The following DOCK1 variants were observed in gnomAD, a reference collection of about 807,000 sequenced individuals.
DOCK1 encodes the protein dedicator of cytokinesis protein 1.
DOCK1 carries 138 observed loss-of-function variants against 262.7 expected under a neutral mutation model. The ratio of observed to expected loss-of-function variants is 0.53; its 90% CI spans 0.46 to 0.61. The LOEUF is 0.61. DOCK1 is among the 20% of genes least tolerant of loss of function. The pLI is 0.00. For synonymous variants in DOCK1, 866 were observed against 867.4 expected, an observed-to-expected ratio of 1.00 and a Z score of 0.03; for missense variants, 1,908 against 2,370.7, an observed-to-expected ratio of 0.80 and a Z score of 4.05.
intron 29 of DOCK1, among the ~76,000 whole-genome samples, chr10:127,285,789 G>A (rs913949635): frequency 6.6e-6 from 1 of 152,208 alleles, no homozygotes; most frequent in Non-Finnish European, 1.5e-5. Context: ...TGCTTCCACA[G>A]TCTAACCCTC....
At chr10:127,150,015 G>T (rs1004842259) in intron 27 of DOCK1, among the ~76,000 whole-genome samples, 2 of 152,184 alleles carry the variant, frequency 1.3e-5, no homozygotes, top group Non-Finnish European at 2.9e-5. Context: ...TGTTTCTACA[G>T]ATTCATATGC....
At chr10:126,940,708 G>T (rs1025046921) in intron 1 of DOCK1, among the ~76,000 whole-genome samples, 11 of 152,142 alleles carry the variant, frequency 7.2e-5, no homozygotes, top group Non-Finnish European at 1.5e-4. Context: ...CTGGCCCAAA[G>T]TACCTATTTT....
intron 19 of DOCK1, among the ~76,000 whole-genome samples, chr10:127,038,090 G>A (rs542793426): frequency 1.3e-5 from 2 of 152,038 alleles, no homozygotes; most frequent in South Asian, 2.1e-4. Context: ...AAAATTAGCC[G>A]GGTGTGGTGG....
intron 1 of DOCK1, among the ~76,000 whole-genome samples, chr10:126,948,494 G>A (rs1010838265): frequency 6.6e-6 from 1 of 151,700 alleles, no homozygotes; most frequent in African/African-American, 2.4e-5. Flanking sequence ...GGTGATGAAG[G>A]TGGTAATACT....
In DOCK1 at chr10:126,987,281, G is replaced by A. The variant is rs745840022; in HGVS notation, c.228-240G>A. On this transcript the variant is annotated intron_variant, in intron 4 of 51. Transcript: ENST00000623213. Reference sequence around the variant, plus strand: ...TTTGCCTCTTTCATCTTACTTTGACGTATGAGGTGGATGGCTTACGTGCAG... The same window carrying A: ...TTTGCCTCTTTCATCTTACTTTGACATATGAGGTGGATGGCTTACGTGCAG... 1.1e-4 allele frequency among the ~76,000 whole-genome samples: 16 copies of A among 152,222 alleles called. No homozygotes were observed. In the East Asian group the frequency reaches 1.7e-3, roughly 17 times the overall value.
chr10:126,954,998 G>A (rs952135583), intron 1 of DOCK1, among the ~76,000 whole-genome samples: 2 of 152,252 alleles, frequency 1.3e-5, no homozygotes, highest in African/African-American at 2.4e-5. Flanking sequence ...GTTTTTCCGC[G>A]GCTGCACCAT....
Position 127,100,686 on chromosome 10 carries a change from G to A in DOCK1, c.2446-5545G>A, listed in dbSNP as rs2048189158. ...GGCCCTGCGCAGGGAGCTGGAAGGA[G>A]GGTGGAGAGGCAGGTGGCCACCCTG... On this transcript the variant is annotated intron_variant, in intron 23 of 51. Transcript: ENST00000623213. This position sits in a 1 kb window ranked among gnomAD's most constrained non-coding sequence, Gnocchi z 5.5. 6.6e-6 allele frequency among the ~76,000 whole-genome samples: 1 copy of A among 152,134 alleles called. No homozygotes were observed. Among genetic ancestry groups the A allele is most frequent in the Non-Finnish European group, 1.5e-5 (1 of 68,012 alleles).
At chr10:127,125,962 AAAAT>A (rs916035120) in intron 26 of DOCK1, among the ~76,000 whole-genome samples, 21 of 152,284 alleles carry the variant, frequency 1.4e-4, no homozygotes, top group African/African-American at 4.3e-4. Flanking sequence ...CACAAAGTTA[AAAAT>A]AAATAAATAA....
intron 27 of DOCK1, among the ~76,000 whole-genome samples, chr10:127,144,297 A>AC (rs1028913341): frequency 2.0e-5 from 3 of 148,772 alleles, no homozygotes; most frequent in African/African-American, 7.5e-5. Context: ...AACAAAGTCC[A>AC]CCCTCCCCCC....
intron 3 of DOCK1, among the ~76,000 whole-genome samples, chr10:126,979,689 G>C (rs1267696698): frequency 6.6e-6 from 1 of 152,098 alleles, no homozygotes; most frequent in South Asian, 2.1e-4. Context: ...AGTAGCGCTG[G>C]GTAGGGCATA....
rs10829473 is a variant in DOCK1 at position 127,139,678 on chromosome 10, C to T, written c.2847+11914C>T. Among the ~76,000 whole-genome samples, 997 of 152,260 alleles carry T rather than the reference C, an allele frequency of 6.5e-3. 4 individuals are homozygous for T. Among genetic ancestry groups the T allele is most frequent in the Admixed American group, 0.012 (176 of 15,292 alleles). ...GTGCACTAGAAGGACATGGGGTTTC[C>T]ACCCTGCCTCTTCCACCTGATGCTG... On this transcript the variant is annotated intron_variant, in intron 27 of 51. Coordinates refer to ENST00000623213, the MANE Select transcript of DOCK1 (RefSeq NM_001290223.2).
At chr10:127,026,114 GA>G (rs987561976) in intron 15 of DOCK1, 41 of 476,086 alleles carry the variant, frequency 8.6e-5, no homozygotes, top group South Asian at 4.2e-4. Context: ...AGAGCATTCA[GA>G]AAAAAAAATT....
intron 27 of DOCK1, among the ~76,000 whole-genome samples, chr10:127,158,847 C>A (rs1170554282): frequency 1.3e-5 from 2 of 152,146 alleles, no homozygotes; most frequent in African/African-American, 2.4e-5. Flanking sequence ...TGGAAAACAT[C>A]GCATTCAGCA....
intron 36 of DOCK1, 138 bp downstream of exon 36, chr10:127,380,260 G>A (rs1392148857): frequency 3.0e-6 from 2 of 668,474 alleles, no homozygotes; most frequent in African/African-American, 1.9e-5. Context: ...GTAGAGTTTG[G>A]TGGAGCTCCC....
At chr10:127,382,270 A>G (rs1405360200) in intron 37 of DOCK1, among the ~76,000 whole-genome samples, 1 of 152,220 alleles carries the variant, frequency 6.6e-6, no homozygotes. Flanking sequence ...AGTAGTGTCA[A>G]TTAGGTAATA....
At chr10:127,349,925 T>A (rs1278369793) in intron 31 of DOCK1, among the ~76,000 whole-genome samples, 1 of 152,160 alleles carries the variant, frequency 6.6e-6, no homozygotes, top group African/African-American at 2.4e-5. Flanking sequence ...GCCACTCTAC[T>A]CCAGTATGAC....
intron 27 of DOCK1, among the ~76,000 whole-genome samples, chr10:127,157,238 C>G (rs976348849): frequency 6.6e-6 from 1 of 152,136 alleles, no homozygotes; most frequent in Non-Finnish European, 1.5e-5. Context: ...CATCTGTTGA[C>G]CCAGGGTTGG....
chr10:126,958,925 C>T (rs2134502970), intron 1 of DOCK1, among the ~76,000 whole-genome samples: 1 of 152,274 alleles, frequency 6.6e-6, no homozygotes, highest in African/African-American at 2.4e-5. Context: ...AACATGTGCC[C>T]CAGGCGGTCG....
intron 31 of DOCK1, among the ~76,000 whole-genome samples, chr10:127,346,208 T>C (rs1258835534): frequency 6.6e-6 from 1 of 152,176 alleles, no homozygotes; most frequent in Non-Finnish European, 1.5e-5. Flanking sequence ...TTCTTAGTGG[T>C]GGGGCCGAGC....
Sources: allele counts gnomAD v4.1 joint callset (sites outside exome capture counted in the v4.1 genomes callset), GRCh38; gene constraint gnomAD v4.1.1; non-coding constraint Gnocchi (gnomAD v3.1); transcripts MANE v1.5; gene names NCBI Gene and HGNC (gene_info 2026-07-23, HGNC 2026-07-21).